PABPC4L: variants seen among roughly 807,000 people sequenced by gnomAD.
PABPC4L encodes polyadenylate-binding protein 4-like.
For synonymous variants in PABPC4L, 169 were observed against 164.1 expected, an observed-to-expected ratio of 1.03 and a Z score of -0.23; for missense variants, 452 against 451.4, an observed-to-expected ratio of 1.00 and a Z score of -0.01.
At chr4:134,186,320 T>C in the PABPC4L span, among the ~76,000 whole-genome samples, 2 of 152,166 alleles carry the variant, frequency 1.3e-5, no homozygotes, top group African/African-American at 4.8e-5. Context: ...CAAAACAGCA[T>C]GGTACTGGTA....
chr4:134,098,160 T>A, the PABPC4L span, among the ~76,000 whole-genome samples: 2 of 151,814 alleles, frequency 1.3e-5, no homozygotes, highest in African/African-American at 2.4e-5. Flanking sequence ...GACAGGAGGC[T>A]AAGAGATTTG....
chr4:134,013,131 T>A, the PABPC4L span, among the ~76,000 whole-genome samples: 1 of 151,926 alleles, frequency 6.6e-6, no homozygotes, highest in South Asian at 2.1e-4. Context: ...TCTCTGTGTC[T>A]CTACCCCTTC....
the PABPC4L span, among the ~76,000 whole-genome samples, chr4:134,000,684 A>G: frequency 2.0e-5 from 3 of 152,152 alleles, no homozygotes; most frequent in Non-Finnish European, 2.9e-5. Flanking sequence ...GCCTTCCTCA[A>G]TATGAGTGGC....
the PABPC4L span, among the ~76,000 whole-genome samples, chr4:134,043,666 C>CT: frequency 6.8e-6 from 1 of 147,264 alleles, no homozygotes; most frequent in South Asian, 2.2e-4. Context: ...CAAAAATGTA[C>CT]TTTTTTAAAA....
the PABPC4L span, among the ~76,000 whole-genome samples, chr4:134,032,008 T>C: frequency 1.3e-5 from 2 of 151,886 alleles, no homozygotes; most frequent in Admixed American, 6.6e-5. Context: ...TGTTTATTCA[T>C]AATATCTTAT....
the PABPC4L span, among the ~76,000 whole-genome samples, chr4:134,009,853 G>A: frequency 6.6e-6 from 1 of 152,038 alleles, no homozygotes; most frequent in Non-Finnish European, 1.5e-5. Flanking sequence ...CTATACTAAT[G>A]TCAAAGAGGA....
At chr4:134,066,595 G>A in the PABPC4L span, among the ~76,000 whole-genome samples, 2 of 152,160 alleles carry the variant, frequency 1.3e-5, no homozygotes, top group Non-Finnish European at 1.5e-5. Context: ...GGAGTGGTGA[G>A]AAGAGCATCA....
the PABPC4L span, among the ~76,000 whole-genome samples, chr4:134,022,437 C>T: frequency 3.3e-5 from 5 of 151,996 alleles, no homozygotes; most frequent in South Asian, 2.1e-4. Flanking sequence ...CACGCACACA[C>T]GCACACAGAA....
the PABPC4L span, among the ~76,000 whole-genome samples, chr4:134,155,981 A>G: frequency 1.8e-4 from 28 of 152,116 alleles, no homozygotes; most frequent in African/African-American, 6.7e-4. Flanking sequence ...GAATGCTAGT[A>G]TTGCTCACGT....
the PABPC4L span, among the ~76,000 whole-genome samples, chr4:134,047,987 A>G: frequency 1.3e-5 from 2 of 152,266 alleles, no homozygotes; most frequent in East Asian, 3.9e-4. Context: ...GAACACTGTA[A>G]TAATATTTTA....
At chr4:134,085,397 A>T in the PABPC4L span, among the ~76,000 whole-genome samples, 1 of 152,158 alleles carries the variant, frequency 6.6e-6, no homozygotes, top group Non-Finnish European at 1.5e-5. Context: ...GTGACATATT[A>T]TACATTCTGT....
chr4:134,104,932 T>G, the PABPC4L span, among the ~76,000 whole-genome samples: 1 of 151,834 alleles, frequency 6.6e-6, no homozygotes, highest in South Asian at 2.1e-4. Flanking sequence ...ATTACCGGTG[T>G]GCTCTCATGT....
the PABPC4L span, among the ~76,000 whole-genome samples, chr4:134,100,983 A>C: frequency 3.2e-4 from 48 of 151,198 alleles, no homozygotes; most frequent in Non-Finnish European, 5.2e-4. Flanking sequence ...TCTAAGGAAA[A>C]TACATATTTC....
chr4:133,988,063 G>A, the PABPC4L span, among the ~76,000 whole-genome samples: 5 of 152,068 alleles, frequency 3.3e-5, no homozygotes, highest in Admixed American at 1.3e-4. Flanking sequence ...CAAATAGCAT[G>A]GAGGTAACTA....
At chr4:134,177,787 A>G in the PABPC4L span, among the ~76,000 whole-genome samples, 1 of 152,094 alleles carries the variant, frequency 6.6e-6, no homozygotes, top group Admixed American at 6.6e-5. Context: ...AGCCTCTAGC[A>G]TGGTGCTCCT....
At chr4:134,078,963 C>G in the PABPC4L span, among the ~76,000 whole-genome samples, 2 of 139,582 alleles carry the variant, frequency 1.4e-5, no homozygotes, top group African/African-American at 5.5e-5. Context: ...CCACCGTGCC[C>G]GGGCTTTTTT....
At chr4:134,141,732 A>C in the PABPC4L span, among the ~76,000 whole-genome samples, 1 of 151,770 alleles carries the variant, frequency 6.6e-6, no homozygotes, top group East Asian at 1.9e-4. Context: ...ATATATTTAT[A>C]AATGTCAGCC....
chr4:134,044,513 C>T, the PABPC4L span, among the ~76,000 whole-genome samples: 3 of 152,164 alleles, frequency 2.0e-5, no homozygotes, highest in Middle Eastern at 3.4e-3. Flanking sequence ...ATCCACCCGC[C>T]TCAGCCTCCC....
chr4:134,067,237 A>G, the PABPC4L span, among the ~76,000 whole-genome samples: 1 of 152,066 alleles, frequency 6.6e-6, no homozygotes, highest in African/African-American at 2.4e-5. Context: ...CAGGAATTCA[A>G]TGTATCCCTT....
Sources: allele counts gnomAD v4.1 joint callset (sites outside exome capture counted in the v4.1 genomes callset), GRCh38; gene constraint gnomAD v4.1.1; transcripts MANE v1.5; gene names NCBI Gene and HGNC (gene_info 2026-07-23, HGNC 2026-07-21).